The following TENM3 variants were observed in gnomAD, a reference collection of about 807,000 sequenced individuals.
TENM3 encodes the protein teneurin-3.
A neutral mutation model predicts 255.1 loss-of-function variants in TENM3; 63 were observed. That is an observed-to-expected ratio of 0.25 (90% CI 0.20 to 0.30). TENM3 has a LOEUF of 0.30. Among genes scored for constraint, TENM3 ranks in the 10% least tolerant of loss-of-function variants. TENM3 has a pLI of 1.00. For missense variants in TENM3, 2,929 were observed against 3,461.1 expected, an observed-to-expected ratio of 0.85 and a Z score of 3.86; for synonymous variants, 1,306 against 1,322.3, an observed-to-expected ratio of 0.99 and a Z score of 0.27.
chr4:182,786,054 A>T (rs1296199015), intron 24 of TENM3, among the ~76,000 whole-genome samples: 1 of 152,212 alleles, frequency 6.6e-6, no homozygotes, highest in East Asian at 1.9e-4. Flanking sequence ...CCACATTCTA[A>T]CTCATTCCTC....
chr4:182,016,356 A>G, the TENM3 span, among the ~76,000 whole-genome samples: 1 of 152,244 alleles, frequency 6.6e-6, no homozygotes, highest in African/African-American at 2.4e-5. Context: ...TCACAGGAAC[A>G]CAGTATTGCT....
At chr4:182,345,500 A>G (rs1204532223) in intron 2 of TENM3, among the ~76,000 whole-genome samples, 2 of 152,230 alleles carry the variant, frequency 1.3e-5, no homozygotes, top group East Asian at 3.8e-4. Context: ...AGATAGCAGC[A>G]TTTAAATCAG....
At chr4:181,772,377 C>CA in the TENM3 span, among the ~76,000 whole-genome samples, 277 of 143,094 alleles carry the variant, frequency 1.9e-3, 1 homozygote, top group African/African-American at 5.6e-3. Flanking sequence ...GACTCCTTCT[C>CA]AAAAAAAAAA....
At chr4:181,813,637 T>A in the TENM3 span, among the ~76,000 whole-genome samples, 24 of 152,192 alleles carry the variant, frequency 1.6e-4, no homozygotes, top group African/African-American at 5.8e-4. Context: ...AGAAATGAGA[T>A]GGATTTCAAT....
chr4:181,600,587 G>C, the TENM3 span, among the ~76,000 whole-genome samples: 1 of 151,566 alleles, frequency 6.6e-6, no homozygotes, highest in Non-Finnish European at 1.5e-5. Flanking sequence ...TCTCAAAACT[G>C]CCTAAGGGAG....
At chr4:182,054,511 A>G in the TENM3 span, among the ~76,000 whole-genome samples, 4 of 152,198 alleles carry the variant, frequency 2.6e-5, no homozygotes, top group African/African-American at 9.7e-5. Context: ...ACAAATAGAA[A>G]GAATGAATAA....
intron 19 of TENM3, among the ~76,000 whole-genome samples, chr4:182,748,446 CGTT>C (rs1561195331): frequency 6.6e-6 from 1 of 152,124 alleles, no homozygotes; most frequent in Admixed American, 6.5e-5. Context: ...ATTCACCACT[CGTT>C]GTACCCACAC....
chr4:182,700,836 T>A (rs929077053), intron 12 of TENM3, among the ~76,000 whole-genome samples: 1 of 152,170 alleles, frequency 6.6e-6, no homozygotes, highest in Admixed American at 6.5e-5. Flanking sequence ...TATACTAAAT[T>A]AGTTTTTAGG....
chr4:182,483,753 A>G (rs1030501129), intron 3 of TENM3, among the ~76,000 whole-genome samples: 1 of 152,148 alleles, frequency 6.6e-6, no homozygotes, highest in African/African-American at 2.4e-5. Flanking sequence ...CTGTACAGGA[A>G]GTATGGCTGG....
At chr4:181,842,870 G>A in the TENM3 span, among the ~76,000 whole-genome samples, 5 of 152,184 alleles carry the variant, frequency 3.3e-5, no homozygotes, top group Non-Finnish European at 7.3e-5. Flanking sequence ...CCTGCAGGAT[G>A]ATAATTCAGA....
At chr4:181,754,440 T>C in the TENM3 span, among the ~76,000 whole-genome samples, 166 of 152,108 alleles carry the variant, frequency 1.1e-3, no homozygotes, top group African/African-American at 3.8e-3. Flanking sequence ...GATGTTTCAG[T>C]AAAGGAAAGA....
the TENM3 span, among the ~76,000 whole-genome samples, chr4:181,450,559 G>A: frequency 3.3e-5 from 5 of 152,086 alleles, no homozygotes; most frequent in South Asian, 2.1e-4. Flanking sequence ...GTGGCCATTC[G>A]GTATCATTTT....
the TENM3 span, among the ~76,000 whole-genome samples, chr4:181,850,296 A>G: frequency 6.6e-6 from 1 of 152,126 alleles, no homozygotes; most frequent in Non-Finnish European, 1.5e-5. Context: ...GTTAGTCAAC[A>G]TGATTTGATT....
At chr4:181,793,006 T>TA in the TENM3 span, among the ~76,000 whole-genome samples, 26 of 152,140 alleles carry the variant, frequency 1.7e-4, 1 homozygote, top group East Asian at 4.8e-3. Flanking sequence ...TTTTCCACAT[T>TA]AAAAAAATAA....
chr4:181,468,121 C>A, the TENM3 span, among the ~76,000 whole-genome samples: 2 of 100,964 alleles, frequency 2.0e-5, no homozygotes, highest in South Asian at 3.4e-4. Flanking sequence ...CACAGGGAGA[C>A]CCCATCTGTA....
chr4:181,816,409 C>T, the TENM3 span, among the ~76,000 whole-genome samples: 1 of 152,336 alleles, frequency 6.6e-6, no homozygotes, highest in South Asian at 2.1e-4. Flanking sequence ...GCTGTCTTGA[C>T]AGTCTTCAGT....
At chr4:181,616,907 G>A in the TENM3 span, among the ~76,000 whole-genome samples, 1 of 152,088 alleles carries the variant, frequency 6.6e-6, no homozygotes, top group East Asian at 1.9e-4. Context: ...AATGTCTTTC[G>A]GAAACTCCCT....
the TENM3 span, among the ~76,000 whole-genome samples, chr4:181,670,477 A>G: frequency 6.6e-6 from 1 of 151,494 alleles, no homozygotes; most frequent in Non-Finnish European, 1.5e-5. Context: ...TTTTAACCCA[A>G]TGAAAGATAG....
chr4:182,751,715 C>A, intron 19 of TENM3, 85 bp from the exon 20 acceptor site: 1 of 918,428 alleles, frequency 1.1e-6, no homozygotes. Flanking sequence ...ATCAGTTTCT[C>A]ATGATCTGTT....
Sources: allele counts gnomAD v4.1 joint callset (sites outside exome capture counted in the v4.1 genomes callset), GRCh38; gene constraint gnomAD v4.1.1; transcripts MANE v1.5; gene names NCBI Gene and HGNC (gene_info 2026-07-23, HGNC 2026-07-21).